The following HDAC8 variants were observed in gnomAD, a reference collection of about 807,000 sequenced individuals.
The protein encoded by HDAC8 is histone deacetylase-like 1.
In HDAC8, 1 loss-of-function variant was observed where a neutral mutation model predicts 32.2. That is an observed-to-expected ratio of 0.03 (90% confidence interval 0.01 to 0.15). The LOEUF (loss-of-function observed/expected upper bound fraction) is 0.15. HDAC8 is among the 10% of genes least tolerant of loss of function. The pLI is 1.00. For synonymous variants in HDAC8, 108 were observed against 113.9 expected, an observed-to-expected ratio of 0.95 and a Z score of 0.33; for missense variants, 117 against 300.0, an observed-to-expected ratio of 0.39 and a Z score of 4.51.
rs186172414 is a variant in HDAC8, at chrX:72,351,602, G to T, written c.1111+131C>A. ...CAGCTACAAGCTGTCAGGCCAAGAAGAGGTTTCCTTTCCAAGTCAGTGAAA... is the reference window on the plus strand; with the variant it reads ...CAGCTACAAGCTGTCAGGCCAAGAATAGGTTTCCTTTCCAAGTCAGTGAAA... On this transcript the variant is annotated intron_variant, in intron 10 of 10. Coordinates refer to ENST00000373573, the MANE Select transcript of HDAC8 (RefSeq NM_018486.3). The T allele has an allele frequency of 1.6e-3, 727 of 468,597 alleles. 1 individual carries two copies. Among genetic ancestry groups the T allele is most frequent in the Non-Finnish European group, 1.9e-3 (506 of 268,109 alleles). 38.6% of individuals were successfully genotyped at this position (468,597 alleles called of 1,213,427 possible).
chrX:72,531,652 C>T (rs781954226), intron 4 of HDAC8, among the ~76,000 whole-genome samples: 1 of 112,052 alleles, frequency 8.9e-6, no homozygotes, highest in East Asian at 2.8e-4. Context: ...CTCTGGCAAA[C>T]CACTAATTTA....
chrX:72,498,091 A>G (rs912061038), intron 4 of HDAC8, among the ~76,000 whole-genome samples: 4 of 109,060 alleles, frequency 3.7e-5, no homozygotes, highest in Non-Finnish European at 7.6e-5. Flanking sequence ...TTGATTTACA[A>G]TATTTCCAAA....
intron 7 of HDAC8, among the ~76,000 whole-genome samples, chrX:72,470,580 C>A (rs1166519150): frequency 9.0e-6 from 1 of 111,630 alleles, no homozygotes; most frequent in Non-Finnish European, 1.9e-5. Flanking sequence ...ATCTATCCCT[C>A]CCTTTCTTCT....
chrX:72,384,849 T>C (rs2045377155), intron 9 of HDAC8, among the ~76,000 whole-genome samples: 1 of 112,162 alleles, frequency 8.9e-6, no homozygotes, highest in Non-Finnish European at 1.9e-5. Flanking sequence ...CATAAAAATA[T>C]CATTTTGATA....
intron 9 of HDAC8, among the ~76,000 whole-genome samples, chrX:72,414,901 A>G (rs1258166756): frequency 8.9e-6 from 1 of 112,044 alleles, no homozygotes; most frequent in Non-Finnish European, 1.9e-5. Flanking sequence ...TTTATCAAGT[A>G]ACTTTCTGAT....
At chrX:72,566,154 A>AC (rs1165927159) in intron 4 of HDAC8, among the ~76,000 whole-genome samples, 2 of 109,870 alleles carry the variant, frequency 1.8e-5, no homozygotes, top group Non-Finnish European at 3.8e-5. Context: ...CTCGAAAAAA[A>AC]CAAAACAAGA....
rs1003733627 is a variant in HDAC8 at position 72,341,097 on chromosome X, T to C, written c.1111+10636A>G. 4.5e-5 allele frequency among the ~76,000 whole-genome samples: 5 copies of C among 111,744 alleles called. No homozygotes were observed. In the Admixed American group the frequency reaches 4.7e-4, roughly 11 times the overall value. On this transcript the variant is annotated intron_variant, in intron 10 of 10. Transcript: ENST00000373573. ...ATGATTGCTCTGTGATCATTCAGCA[T>C]GTGAGCCCAGCATGGCTTGGTGTCC...
chrX:72,467,828 A>G (rs2048062552), intron 7 of HDAC8: 3 of 637,955 alleles, frequency 4.7e-6, no homozygotes, highest in South Asian at 3.5e-5. Flanking sequence ...AGAAATTTAT[A>G]TGGTAGAATT....
At chrX:72,442,078 C>T (rs1256087783) in intron 9 of HDAC8, among the ~76,000 whole-genome samples, 6 of 110,621 alleles carry the variant, frequency 5.4e-5, no homozygotes, top group East Asian at 2.8e-4. Context: ...CTGAAAGTGA[C>T]GGGGAGAATG....
At chrX:72,432,999 C>T (rs782666242) in intron 9 of HDAC8, among the ~76,000 whole-genome samples, 8 of 111,852 alleles carry the variant, frequency 7.2e-5, no homozygotes, top group East Asian at 2.8e-4. Flanking sequence ...ATTGTTGAGA[C>T]GAATTCATCT....
chrX:72,530,473 A>G (rs1245525520), intron 4 of HDAC8, among the ~76,000 whole-genome samples: 1 of 100,828 alleles, frequency 9.9e-6, no homozygotes, highest in Non-Finnish European at 2.0e-5. Flanking sequence ...GTTACAGCAT[A>G]TATCTCAGTC....
chrX:72,462,516 T>C (rs1228250618), intron 8 of HDAC8: 1 of 114,813 alleles, frequency 8.7e-6, no homozygotes, highest in East Asian at 2.7e-4. Context: ...TGATTTGTAT[T>C]TTTAAAACTA....
chrX:72,568,801 C>T lies in HDAC8; in HGVS notation c.248G>A (p.Ser83Asn). The stretch of plus-strand genomic sequence containing the variant: ...CGGATGATCATCATCGCCCTCTTGG[C>T]TGACCTTCTGGAGATGCTGCAGATA... ...DAYLQHLQKV[S>N]QEGDDDHPDS... The change falls in exon 3 of 11, where the codon AGC (serine) becomes AAC (asparagine). Residue 83 changes from serine (S) to asparagine (N), a missense_variant. Ser to Asn is a conservative substitution (Grantham distance 46). This residue lies in a region of HDAC8 where 57 missense variants were observed against 182.0 expected (regional missense o/e 0.31). Transcript: ENST00000373573. 1 of 1,211,739 alleles carries T rather than the reference C, an allele frequency of 8.3e-7. No individual in the cohort carries two copies. Among genetic ancestry groups the T allele is most frequent in the Non-Finnish European group, 1.1e-6 (1 of 895,342 alleles).
At chrX:72,466,841 A>C (rs2048030869) in intron 7 of HDAC8, 1 of 112,078 alleles carries the variant, frequency 8.9e-6, no homozygotes, top group Non-Finnish European at 1.9e-5. Context: ...TAAATGGTTA[A>C]ACAAACTGGT....
chrX:72,523,258 A>G (rs1352029867), intron 4 of HDAC8, among the ~76,000 whole-genome samples: 2 of 111,936 alleles, frequency 1.8e-5, no homozygotes, highest in Admixed American at 9.4e-5. Flanking sequence ...TCCCACAGCC[A>G]TGGTAACATT....
chrX:72,387,851 T>C (rs782461669), intron 9 of HDAC8, among the ~76,000 whole-genome samples: 2 of 110,903 alleles, frequency 1.8e-5, no homozygotes, highest in Non-Finnish European at 3.8e-5. Context: ...AGGAGACAGA[T>C]GAGTAAATGA....
intron 4 of HDAC8, among the ~76,000 whole-genome samples, chrX:72,546,826 G>T (rs781949347): frequency 2.7e-5 from 3 of 110,974 alleles, no homozygotes; most frequent in African/African-American, 9.8e-5. Flanking sequence ...GACTTCTTTC[G>T]CTCTGGCTTC....
intron 9 of HDAC8, among the ~76,000 whole-genome samples, chrX:72,355,817 G>A (rs1213234421): frequency 8.9e-6 from 1 of 111,991 alleles, no homozygotes; most frequent in Non-Finnish European, 1.9e-5. Context: ...AGGAAACCAA[G>A]CAACGAACCT....
chrX:72,349,089 G>GAA (rs1555947903), intron 10 of HDAC8, among the ~76,000 whole-genome samples: 1 of 112,410 alleles, frequency 8.9e-6, no homozygotes, highest in African/African-American at 3.2e-5. Flanking sequence ...TCCTTCTATT[G>GAA]AATGAAAATC....
Sources: allele counts gnomAD v4.1 joint callset (sites outside exome capture counted in the v4.1 genomes callset), GRCh38; gene constraint gnomAD v4.1.1; regional missense constraint gnomAD v4.1.1; transcripts MANE v1.5; gene names NCBI Gene and HGNC (gene_info 2026-07-23, HGNC 2026-07-21).